Variants in ARFGAP1 observed in about 807,000 individuals in gnomAD.
ARFGAP1 encodes the protein ARF GTPase activating protein 1.
In ARFGAP1, 26 loss-of-function variants were observed where a neutral mutation model predicts 54.0. That is an observed-to-expected ratio of 0.48 (90% CI 0.35 to 0.67). ARFGAP1 has a LOEUF of 0.67. Among genes scored for constraint, ARFGAP1 ranks in the 30% least tolerant of loss-of-function variants. The pLI, the probability that ARFGAP1 is intolerant of heterozygous loss-of-function variation, is 0.00. For synonymous variants in ARFGAP1, 248 were observed against 211.9 expected (o/e 1.17, Z -1.48); for missense variants, 525 against 535.8 (o/e 0.98, Z 0.20).
At chr20:63,279,038 C>T (rs778151620) in intron 7 of ARFGAP1, 43 bp downstream of exon 7, 39 of 1,598,192 alleles carry the variant, frequency 2.4e-5, no homozygotes, top group Middle Eastern at 1.7e-4. Context: ...GGGCAGACCC[C>T]GCCCTGAGGG....
intron 10 of ARFGAP1, among the ~76,000 whole-genome samples, chr20:63,285,327 G>A (rs888547379): frequency 2.6e-5 from 4 of 152,152 alleles, no homozygotes; most frequent in African/African-American, 4.8e-5. Flanking sequence ...CAAGAGCCCC[G>A]CCAGCTCCCT....
chr20:63,281,414 T>A, intron 8 of ARFGAP1, 67 bp downstream of exon 8: 2 of 1,520,348 alleles, frequency 1.3e-6, no homozygotes, highest in Non-Finnish European at 1.8e-6. Context: ...GCTGCTGGCC[T>A]GGGGTTCTGG....
At chr20:63,284,326 C>T in intron 9 of ARFGAP1, 3 of 1,075,694 alleles carry the variant, frequency 2.8e-6, no homozygotes, top group Non-Finnish European at 3.4e-6. Flanking sequence ...TGCTCCCTGC[C>T]TTTGGGGGAA....
Position 63,288,457 on chromosome 20 carries a change from C to G in ARFGAP1, c.*584C>G, listed in dbSNP as rs1216612933. 2.2e-6 allele frequency: 1 copy of G among 456,096 alleles called. No homozygotes were observed. Among genetic ancestry groups the G allele is most frequent in the African/African-American group, 2.0e-5 (1 of 50,188 alleles). The allele number at this position is 456,096 out of a possible 1,614,324, so 28.3% of individuals were successfully genotyped here. A position where few individuals can be genotyped will look rare whatever the true frequency, so the allele number is the denominator to read the frequency against. ...TGTCAGACCCGCGTCGGTCGTAACCCTCTGTGGCTCCCCTGCATCAGCACC... is the reference window on the plus strand; with the variant it reads ...TGTCAGACCCGCGTCGGTCGTAACCGTCTGTGGCTCCCCTGCATCAGCACC... On this transcript the variant is annotated 3_prime_UTR_variant, in exon 13 of 13. Transcript: ENST00000370283.
intron 11 of ARFGAP1, 188 bp from the exon 12 acceptor site, chr20:63,286,178 A>G (rs1437716080): frequency 1.9e-6 from 3 of 1,549,670 alleles, no homozygotes; most frequent in Non-Finnish European, 2.6e-6. Flanking sequence ...TGTCCCGCAC[A>G]CACCTGGCAC....
intron 5 of ARFGAP1, 136 bp from the exon 6 acceptor site, chr20:63,277,981 C>T: frequency 1.4e-6 from 1 of 724,824 alleles, no homozygotes; most frequent in Non-Finnish European, 2.4e-6. Context: ...AGCTGAAGGC[C>T]ACCCTGGCCT....
intron 7 of ARFGAP1, among the ~76,000 whole-genome samples, chr20:63,279,468 A>G (rs1303004485): frequency 1.3e-5 from 2 of 152,168 alleles, no homozygotes; most frequent in African/African-American, 4.8e-5. Context: ...GGCCTCCCAA[A>G]GTGCTGGGAT....
chr20:63,283,858 G>A (rs760008833), intron 9 of ARFGAP1: 1 of 1,613,732 alleles, frequency 6.2e-7, no homozygotes. Flanking sequence ...AAGTTTTGGG[G>A]TCACAAGCAG....
rs536974186 is a variant in ARFGAP1, at chr20:63,281,902, G to GGCAGCGCGGGGCAGCTGGGTGCCT, written c.684+561_684+584dup. 2.7e-4 allele frequency among the ~76,000 whole-genome samples: 41 copies of GGCAGCGCGGGGCAGCTGGGTGCCT among 152,282 alleles called. No individual in the cohort carries two copies. In the South Asian group the frequency reaches 7.9e-3, roughly 29 times the overall value. ...CAGGAGAAGGGGAAGCCCAGAGCAG[G>GGCAGCGCGGGGCAGCTGGGTGCCT]GCAGCGCGGGGCAGCTGGGTGCCTG... is the stretch of plus-strand genomic sequence containing the variant. On this transcript the variant is annotated intron_variant, in intron 8 of 12. Transcript: ENST00000370283.
intron 12 of ARFGAP1, among the ~76,000 whole-genome samples, 172 bp from the exon 13 acceptor site, chr20:63,287,392 C>T (rs183929006): frequency 9.7e-4 from 148 of 152,324 alleles, no homozygotes; most frequent in Non-Finnish European, 1.8e-3. Flanking sequence ...CCAGCAGTTT[C>T]CTCTGCTCTG....
At chr20:63,273,900 G>A (rs80124662) in intron 1 of ARFGAP1, 5,679 of 152,336 alleles carry the variant, frequency 0.037, 146 homozygotes, top group Non-Finnish European at 0.057. Flanking sequence ...CTCAGTGGCT[G>A]CTGTGACAAG....
chr20:63,282,971 G>T, intron 9 of ARFGAP1, 120 bp downstream of exon 9: 2 of 1,130,980 alleles, frequency 1.8e-6, no homozygotes, highest in Non-Finnish European at 2.7e-6. Context: ...AGAGCTGAGG[G>T]GTCCCAGCGT....
intron 10 of ARFGAP1, chr20:63,285,361 A>G (rs1413613174): frequency 5.7e-6 from 3 of 530,194 alleles, no homozygotes; most frequent in Non-Finnish European, 6.8e-6. Context: ...CCTGACTGGG[A>G]CAAGTGGGGA....
intron 9 of ARFGAP1, 135 bp from the exon 10 acceptor site, chr20:63,284,731 C>G: frequency 1.3e-6 from 2 of 1,504,898 alleles, no homozygotes; most frequent in South Asian, 1.3e-5. Flanking sequence ...GTTTCCTGCT[C>G]CCTGCGCTTG....
Position 63,277,185 on chromosome 20 carries a change from G to C in ARFGAP1, c.343-20G>C. On this transcript the variant is annotated intron_variant, in intron 4 of 12. Transcript: ENST00000370283. ...GCCAGGCGCCTTTATGCTCTCGAAT[G>C]CCCTGTGTCTCCTTGTCAGGTGGTC... The C allele has an allele frequency of 1.2e-6, 2 of 1,606,898 alleles. No individual in the cohort carries two copies. Among genetic ancestry groups the C allele is most frequent in the Non-Finnish European group, 1.7e-6 (2 of 1,176,786 alleles).
chr20:63,276,123 G>C lies in ARFGAP1; in HGVS notation c.93G>C (p.Gln31His). 6.2e-7 allele frequency: 1 copy of C among 1,614,056 alleles called. No individual in the cohort carries two copies. Among genetic ancestry groups the C allele is most frequent in the African/African-American group, 1.3e-5 (1 of 75,034 alleles). The change falls in exon 3 of 13, where the codon CAG (glutamine) becomes CAC (histidine). Residue 31 changes from glutamine to histidine, a missense_variant. Around this residue, in one of 3 missense-constraint regions of ARFGAP1, gnomAD observed 39 missense variants for 40.4 expected, o/e 0.97. Transcript: ENST00000370283. This position sits in a 1 kb window ranked among gnomAD's most constrained non-coding sequence, Gnocchi z 5.2. Reference sequence around the variant, plus strand: ...TTGAGTGTGGCGCGTTCAATCCTCAGTGGGTCAGTGTGACCTACGGCATCT... The same window carrying C: ...TTGAGTGTGGCGCGTTCAATCCTCACTGGGTCAGTGTGACCTACGGCATCT... ...VCFECGAFNP[Q>H]WVSVTYGIWI...
intron 1 of ARFGAP1, among the ~76,000 whole-genome samples, chr20:63,275,149 G>A (rs1270246423): frequency 4.6e-5 from 7 of 152,226 alleles, no homozygotes; most frequent in African/African-American, 1.7e-4. Flanking sequence ...CCTGTCGTTG[G>A]CAGTGATCAG....
At chr20:63,272,962 C>T (rs1404932548) in intron 1 of ARFGAP1, 42 bp downstream of exon 1, 5 of 152,056 alleles carry the variant, frequency 3.3e-5, no homozygotes, top group Admixed American at 6.6e-5. Flanking sequence ...CCTGAGGCCC[C>T]GGCTGCCGCG....
chr20:63,288,087 G>C lies in ARFGAP1; in HGVS notation c.*214G>C. 1.6e-6 allele frequency: 1 copy of C among 629,838 alleles called. No individual in the cohort carries two copies. The highest frequency in any genetic ancestry group is 2.8e-6 in the Non-Finnish European group (1 of 363,374). 39.0% of individuals were successfully genotyped at this position (629,838 alleles called of 1,614,324 possible). A position where few individuals can be genotyped will look rare whatever the true frequency, so the allele number is the denominator to read the frequency against. On this transcript the variant is annotated 3_prime_UTR_variant, in exon 13 of 13. Transcript: ENST00000370283. ...GGGCGGCTTGCTGTCCAGCCTGTGT[G>C]GGGGCCGTCCCGTCCCACACTCCCC...
Sources: allele counts gnomAD v4.1 joint callset (sites outside exome capture counted in the v4.1 genomes callset), GRCh38; gene constraint gnomAD v4.1.1; regional missense constraint gnomAD v4.1.1; non-coding constraint Gnocchi (gnomAD v3.1); transcripts MANE v1.5; gene names NCBI Gene and HGNC (gene_info 2026-07-23, HGNC 2026-07-21).